TRERF1: variants seen among roughly 807,000 people sequenced by gnomAD.
The protein encoded by TRERF1 is transcriptional regulating factor 1.
Under a neutral mutation model 122.9 loss-of-function variants are expected in TRERF1, and 27 were observed. The ratio of observed to expected loss-of-function variants is 0.22; its 90% CI spans 0.16 to 0.30. The LOEUF is 0.30. TRERF1 is among the 10% of genes least tolerant of loss of function. TRERF1 has a pLI of 1.00. For synonymous variants in TRERF1, 636 were observed against 641.7 expected (o/e 0.99, Z 0.13); for missense variants, 1,248 against 1,560.3 (o/e 0.80, Z 3.37).
chr6:42,364,118 G>A (rs575149740), intron 2 of TRERF1, among the ~76,000 whole-genome samples: 2 of 152,224 alleles, frequency 1.3e-5, no homozygotes, highest in Non-Finnish European at 2.9e-5. Context: ...CTGATGGACT[G>A]AGACACCTGA....
At chr6:42,381,881 G>GT (rs974631856) in intron 2 of TRERF1, among the ~76,000 whole-genome samples, 2 of 148,852 alleles carry the variant, frequency 1.3e-5, no homozygotes, top group African/African-American at 5.0e-5. Context: ...TTGGCAAAGG[G>GT]TTTCCACAGG....
chr6:42,295,790 G>A (rs933176914), intron 4 of TRERF1, among the ~76,000 whole-genome samples: 1 of 152,058 alleles, frequency 6.6e-6, no homozygotes, highest in African/African-American at 2.4e-5. Context: ...GCAACTTTAT[G>A]CATTCTTTTA....
chr6:42,256,690 T>G (rs749299577), intron 12 of TRERF1, 38 bp downstream of exon 12: 1 of 1,576,840 alleles, frequency 6.3e-7, no homozygotes, highest in Non-Finnish European at 8.7e-7. Flanking sequence ...AAAATACTCT[T>G]CAGGAATTTG....
At chr6:42,367,875 G>C (rs971987399) in intron 2 of TRERF1, among the ~76,000 whole-genome samples, 1 of 151,944 alleles carries the variant, frequency 6.6e-6, no homozygotes, top group Non-Finnish European at 1.5e-5. Flanking sequence ...TCCCATCCCC[G>C]ATCTGATCTC....
At chr6:42,396,477 G>A (rs1778605680) in intron 2 of TRERF1, among the ~76,000 whole-genome samples, 2 of 152,058 alleles carry the variant, frequency 1.3e-5, no homozygotes, top group South Asian at 4.1e-4. Flanking sequence ...CCCAAGAGGG[G>A]GAAATGATAG....
rs545716082 is a variant in TRERF1, at chr6:42,273,206, G to A, written c.-258-3358C>T. Among the ~76,000 whole-genome samples the A allele has an allele frequency of 8.6e-5, 13 of 151,834 alleles. No individual in the cohort carries two copies. The South Asian group carries it at 1.0e-3, about 12-fold the overall frequency. On this transcript the variant is annotated intron_variant, in intron 4 of 17. Coordinates refer to ENST00000372922, the Ensembl canonical transcript of TRERF1. ...CCTTTCCTTTAGACTACTCTCTTCC[G>A]CTTGTAATTGCACTTCCACCAGTGC...
At chr6:42,424,142 G>A (rs1783260396) in intron 2 of TRERF1, among the ~76,000 whole-genome samples, 1 of 152,150 alleles carries the variant, frequency 6.6e-6, no homozygotes, top group Non-Finnish European at 1.5e-5. Context: ...TGGGCATTTG[G>A]CTTTCCAGTG....
intron 3 of TRERF1, among the ~76,000 whole-genome samples, chr6:42,358,428 G>A (rs1301445998): frequency 6.6e-6 from 1 of 152,212 alleles, no homozygotes. Flanking sequence ...TAGGCTCCAA[G>A]TGAGGCTTCA....
At chr6:42,231,654 T>C (rs1440564142) in intron 17 of TRERF1, among the ~76,000 whole-genome samples, 1 of 152,208 alleles carries the variant, frequency 6.6e-6, no homozygotes, top group African/African-American at 2.4e-5. Context: ...TTCATAACAA[T>C]GTAGTACCCT....
intron 2 of TRERF1, among the ~76,000 whole-genome samples, chr6:42,377,607 G>A (rs902493464): frequency 2.0e-5 from 3 of 152,196 alleles, no homozygotes; most frequent in African/African-American, 7.2e-5. Context: ...GTCAGCATCC[G>A]TGGGGCTGCT....
intron 2 of TRERF1, among the ~76,000 whole-genome samples, chr6:42,371,624 C>CT (rs1249283093): frequency 1.1e-4 from 16 of 152,222 alleles, no homozygotes; most frequent in African/African-American, 3.9e-4. Context: ...AACTTTGAGA[C>CT]TTCAAGAGTG....
chr6:42,277,854 A>G lies in TRERF1; in HGVS notation c.-258-8006T>C, dbSNP rs575944895. On this transcript the variant is annotated intron_variant, in intron 4 of 17. Transcript: ENST00000372922. ...AAATAAATAAATAAATAAGAAGAAGAAAGAAGGAAGAAGGAAGAAGAAGGA... is the reference window on the plus strand; with the variant it reads ...AAATAAATAAATAAATAAGAAGAAGGAAGAAGGAAGAAGGAAGAAGAAGGA... Among the ~76,000 whole-genome samples, 58 of 145,016 alleles carry G rather than the reference A, an allele frequency of 4.0e-4. 1 individual carries two copies. The highest frequency in any genetic ancestry group is 7.6e-4 in the Non-Finnish European group (51 of 66,796).
intron 3 of TRERF1, among the ~76,000 whole-genome samples, chr6:42,329,872 C>T (rs1242741437): frequency 1.3e-5 from 2 of 151,854 alleles, no homozygotes; most frequent in African/African-American, 4.8e-5. Flanking sequence ...GCCTGTAATC[C>T]CAGCTACTCC....
chr6:42,367,609 C>T (rs1772989451), intron 2 of TRERF1, among the ~76,000 whole-genome samples: 1 of 152,154 alleles, frequency 6.6e-6, no homozygotes, highest in Non-Finnish European at 1.5e-5. Context: ...GGCACCCTTA[C>T]CCTGGGCTTC....
Position 42,428,411 on chromosome 6 carries a change from G to A in TRERF1, c.-454+22766C>T, listed in dbSNP as rs186263315. Among the ~76,000 whole-genome samples the A allele has an allele frequency of 7.2e-5, 11 of 152,336 alleles. No homozygotes were observed. In the East Asian group the frequency reaches 2.1e-3, roughly 29 times the overall value. ...GAAGACAGGAGAGAGGAAATGAAAG[G>A]AGGTGAAACTCAAATCAGTGGGCGT... On this transcript the variant is annotated intron_variant, in intron 2 of 17. Coordinates refer to ENST00000372922, the Ensembl canonical transcript of TRERF1.
chr6:42,257,162 G>A (rs1440402385), intron 10 of TRERF1, 60 bp from the exon 11 acceptor site: 1 of 1,587,996 alleles, frequency 6.3e-7, no homozygotes, highest in Non-Finnish European at 8.6e-7. Flanking sequence ...TCAGGCCAAG[G>A]GCAACTGTCA....
chr6:42,333,998 T>TACAC (rs3997687), intron 3 of TRERF1, among the ~76,000 whole-genome samples: 10,625 of 147,058 alleles, frequency 0.072, 416 homozygotes, highest in African/African-American at 0.099. Flanking sequence ...ACACATACAC[T>TACAC]ACACACACAC....
At chr6:42,432,230 T>G (rs1363975551) in intron 2 of TRERF1, among the ~76,000 whole-genome samples, 1 of 152,246 alleles carries the variant, frequency 6.6e-6, no homozygotes, top group East Asian at 1.9e-4. Context: ...ATATGAATAT[T>G]TCTCAAGAAA....
At chr6:42,281,082 T>C (rs1782224003) in intron 4 of TRERF1, among the ~76,000 whole-genome samples, 1 of 152,090 alleles carries the variant, frequency 6.6e-6, no homozygotes, top group African/African-American at 2.4e-5. Flanking sequence ...CCTTTCTGGG[T>C]TTGCTCCTCC....
Sources: gnomAD v4.1 joint callset for allele counts (sites outside exome capture counted in the v4.1 genomes callset) on GRCh38, gnomAD v4.1.1 for gene constraint, MANE v1.5 for transcripts, NCBI Gene and HGNC (gene_info 2026-07-23, HGNC 2026-07-21) for gene names.